The following TNFSF9 variants were observed in gnomAD, a reference collection of about 807,000 sequenced individuals.
TNFSF9 encodes TNF superfamily member 9, also known as tumor necrosis factor ligand superfamily member 9.
Under a neutral mutation model 10.3 loss-of-function variants are expected in TNFSF9, and 10 were observed. That is an observed-to-expected ratio of 0.97 (90% CI 0.60 to 1.65). The LOEUF (loss-of-function observed/expected upper bound fraction) is 1.65. Ranked by LOEUF, TNFSF9 falls within the 40% of genes most tolerant of loss-of-function variation. The probability of loss-of-function intolerance (pLI) is 0.00; values close to 1 mark genes in which losing one functional copy is unlikely to be tolerated. For missense variants in TNFSF9, 361 were observed against 348.9 expected (o/e 1.03, Z -0.28); for synonymous variants, 195 against 176.1 (o/e 1.11, Z -0.85).
In TNFSF9 at chr19:6,532,296, T is replaced by TGTGTGTGTGTGTGTGTTC. The variant is rs368974339; in HGVS notation, c.268-488_268-487insGTGTGTGTGTGTGTTCGT. 5.4e-3 allele frequency among the ~76,000 whole-genome samples: 795 copies of TGTGTGTGTGTGTGTGTTC among 146,060 alleles called. 10 individuals carry two copies. The highest frequency in any genetic ancestry group is 0.019 in the African/African-American group (723 of 37,244). Reference sequence around the variant, plus strand: ...GTGTGTGTGTGTGTGTGTGTGTGTGTGTTCGTGTTTGTGTGGGTGTTTGTG... The same window carrying TGTGTGTGTGTGTGTGTTC: ...GTGTGTGTGTGTGTGTGTGTGTGTGTGTGTGTGTGTGTGTGTTCGTTCGTGTTTGTGTGGGTGTTTGTG... On this transcript the variant is annotated intron_variant, in intron 1 of 2. Coordinates refer to ENST00000245817, the MANE Select transcript of TNFSF9 (RefSeq NM_003811.4).
intron 2 of TNFSF9, among the ~76,000 whole-genome samples, 161 bp from the exon 3 acceptor site, chr19:6,534,439 G>A (rs1191954886): frequency 2.0e-3 from 34 of 17,012 alleles, no homozygotes; most frequent in Non-Finnish European, 3.4e-3. Flanking sequence ...CAGGCTCCCC[G>A]CTCTGCTCCC....
intron 1 of TNFSF9, among the ~76,000 whole-genome samples, chr19:6,531,814 C>A (rs543563636): frequency 6.6e-6 from 1 of 152,052 alleles, no homozygotes. Context: ...GTCTTCTGCA[C>A]CCCGGGTCGG....
At chr19:6,533,325 A>G (rs1599429250) in intron 2 of TNFSF9, among the ~76,000 whole-genome samples, 1 of 34,894 alleles carries the variant, frequency 2.9e-5, no homozygotes, top group Non-Finnish European at 5.5e-5. Flanking sequence ...AACCCTCCCC[A>G]GCCCCATGCT....
In TNFSF9 at chr19:6,534,710, A is replaced by G. The variant is rs1331962461; in HGVS notation, c.409A>G (p.Lys137Glu). 3.1e-6 allele frequency: 5 copies of G among 1,596,030 alleles called. No individual in the cohort carries two copies. Among genetic ancestry groups the G allele is most frequent in the Admixed American group, 1.8e-5 (1 of 57,024 alleles). Residue 137 changes from lysine (K) to glutamate (E), a missense_variant, in exon 3 of 3, where the codon AAG (lysine) becomes GAG (glutamate). By Grantham distance (56) the Lys-to-Glu change is moderately conservative. Coordinates refer to ENST00000245817, the MANE Select transcript of TNFSF9 (RefSeq NM_003811.4). ...KEDTKELVVA[K>E]AGVYYVFFQL... is the part of the protein sequence containing the mutation. ...GGACACGAAGGAGCTGGTGGTGGCC[A>G]AGGCTGGAGTCTACTATGTCTTCTT... is the stretch of plus-strand genomic sequence containing the variant.
Position 6,534,942 on chromosome 19 carries a change from T to G in TNFSF9, c.641T>G (p.Val214Gly). 1 of 1,611,068 alleles carries G rather than the reference T, an allele frequency of 6.2e-7. No homozygotes were observed. Among genetic ancestry groups the G allele is most frequent in the African/African-American group, 1.3e-5 (1 of 75,024 alleles). Reference protein sequence around the residue: ...LHLSAGQRLGVHLHTEARARH... With the variant: ...LHLSAGQRLGGHLHTEARARH... ...CTGAGTGCCGGCCAGCGCCTGGGCG[T>G]CCATCTTCACACTGAGGCCAGGGCA... Residue 214 changes from valine (V) to glycine (G), a missense_variant, in exon 3 of 3, where the codon GTC (valine) becomes GGC (glycine). Transcript: ENST00000245817.
intron 1 of TNFSF9, among the ~76,000 whole-genome samples, 187 bp downstream of exon 1, chr19:6,531,490 C>T (rs1328100205): frequency 6.6e-6 from 1 of 152,134 alleles, no homozygotes; most frequent in Non-Finnish European, 1.5e-5. Context: ...TTTCATCCCG[C>T]ACCCCTACGA....
intron 1 of TNFSF9, among the ~76,000 whole-genome samples, chr19:6,532,287 G>C: frequency 6.9e-6 from 1 of 144,934 alleles, no homozygotes; most frequent in East Asian, 2.0e-4. Context: ...GTGTGTGTGT[G>C]TGTGTGTGTG....
chr19:6,534,777 G>GCTC lies in TNFSF9; in HGVS notation c.478_480dup (p.Ser160dup). Reference sequence around the variant, plus strand: ...CGCGTGGTGGCCGGCGAGGGCTCAGGCTCCGTTTCACTTGCGCTGCACCTG... The same window carrying GCTC: ...CGCGTGGTGGCCGGCGAGGGCTCAGGCTCCTCCGTTTCACTTGCGCTGCACCTG... On this transcript the variant is annotated inframe_insertion, in exon 3 of 3. Transcript: ENST00000245817. 1 of 1,599,656 alleles carries GCTC rather than the reference G, an allele frequency of 6.3e-7. No individual in the cohort carries two copies. The highest frequency in any genetic ancestry group is 2.3e-5 in the East Asian group (1 of 44,234).
Position 6,534,709 on chromosome 19 carries a change from C to A in TNFSF9, c.408C>A (p.Ala136=). 1 of 1,595,926 alleles carries A rather than the reference C, an allele frequency of 6.3e-7. No individual in the cohort carries two copies. The highest frequency in any genetic ancestry group is 2.3e-5 in the East Asian group (1 of 44,018). The part of the protein sequence containing the change: ...YKEDTKELVV[A]KAGVYYVFFQ... ...AGGACACGAAGGAGCTGGTGGTGGC[C>A]AAGGCTGGAGTCTACTATGTCTTCT... Residue 136 remains alanine (A), a synonymous_variant, in exon 3 of 3, where the codon GCC becomes GCA. Coordinates refer to ENST00000245817, the MANE Select transcript of TNFSF9 (RefSeq NM_003811.4).
chr19:6,532,952 G>A, intron 2 of TNFSF9, 136 bp downstream of exon 2: 3 of 1,270,390 alleles, frequency 2.4e-6, no homozygotes, highest in South Asian at 1.2e-5. Flanking sequence ...TCTGAAAGCT[G>A]CTACTTCCCC....
intron 1 of TNFSF9, among the ~76,000 whole-genome samples, chr19:6,532,205 A>T (rs572118636): frequency 1.3e-5 from 2 of 152,034 alleles, no homozygotes; most frequent in East Asian, 3.9e-4. Context: ...AAGAAGAGGG[A>T]TCGCTTTTCC....
intron 2 of TNFSF9, among the ~76,000 whole-genome samples, chr19:6,534,264 A>G (rs1304246841): frequency 1.4e-5 from 2 of 142,706 alleles, no homozygotes; most frequent in Non-Finnish European, 3.1e-5. Flanking sequence ...TTCCCCACCC[A>G]ACCTCTTGGA....
chr19:6,534,533 T>C lies in TNFSF9; in HGVS notation c.299-67T>C, dbSNP rs1599430142. The C allele has an allele frequency of 4.3e-6, 6 of 1,405,388 alleles. No homozygotes were observed. The East Asian group carries it at 1.4e-4, about 32-fold the overall frequency. 87.1% of individuals were successfully genotyped at this position (1,405,388 alleles called of 1,614,324 possible). A position where few individuals can be genotyped will look rare whatever the true frequency, so the allele number is the denominator to read the frequency against. On this transcript the variant is annotated intron_variant, in intron 2 of 2. Coordinates refer to ENST00000245817, the MANE Select transcript of TNFSF9 (RefSeq NM_003811.4). ...CCCAGGGCTGCGCTGACATGTTCGG[T>C]GCTCAGCCACGCTCAGCTGTGCTGG...
intron 1 of TNFSF9, among the ~76,000 whole-genome samples, chr19:6,531,803 C>G (rs1915152063): frequency 6.6e-6 from 1 of 152,054 alleles, no homozygotes; most frequent in Non-Finnish European, 1.5e-5. Context: ...CTCAGGGATA[C>G]GTCTTCTGCA....
Position 6,534,873 on chromosome 19 carries a change from A to G in TNFSF9, c.572A>G (p.Glu191Gly). 6.2e-7 allele frequency: 1 copy of G among 1,607,566 alleles called. No individual in the cohort carries two copies. The highest frequency in any genetic ancestry group is 8.5e-7 in the Non-Finnish European group (1 of 1,179,008). Residue 191 changes from glutamate to glycine, a missense_variant, in exon 3 of 3, where the codon GAG becomes GGG. Glu to Gly is a moderately conservative substitution (Grantham distance 98). Transcript: ENST00000245817. ...GTGGACCTGCCACCCGCCTCCTCCG[A>G]GGCTCGGAACTCGGCCTTCGGTTTC... ...LTVDLPPASS[E>G]ARNSAFGFQG...
Position 6,534,988 on chromosome 19 carries a change from C to T in TNFSF9, c.687C>T (p.Thr229=), listed in dbSNP as rs1915237662. ...EARARHAWQL[T]QGATVLGLFR... ...GGGCACGCCATGCCTGGCAGCTTAC[C>T]CAGGGCGCCACAGTCTTGGGACTCT... is the stretch of plus-strand genomic sequence containing the variant. The change falls in exon 3 of 3, where the codon ACC becomes ACT. Residue 229 remains threonine, a synonymous_variant. Transcript: ENST00000245817. 1.2e-6 allele frequency: 2 copies of T among 1,610,200 alleles called. No individual in the cohort carries two copies. Among genetic ancestry groups the T allele is most frequent in the Non-Finnish European group, 1.7e-6 (2 of 1,178,414 alleles).
intron 1 of TNFSF9, among the ~76,000 whole-genome samples, 181 bp from the exon 2 acceptor site, chr19:6,532,603 TCG>T (rs1915173725): frequency 2.0e-5 from 3 of 150,440 alleles, no homozygotes; most frequent in African/African-American, 7.4e-5. Context: ...GTGTTTGTGT[TCG>T]TGTGTTTGTG....
At chr19:6,532,149 C>G (rs1202163460) in intron 1 of TNFSF9, among the ~76,000 whole-genome samples, 2 of 152,242 alleles carry the variant, frequency 1.3e-5, no homozygotes, top group African/African-American at 4.8e-5. Context: ...TGAGGTACCC[C>G]TCTCCCTTTC....
rs564151103 is a variant in TNFSF9, at chr19:6,531,137, G to GGCTGCT, written c.117_122dup (p.Leu40_Leu41dup). On this transcript the variant is annotated inframe_insertion, in exon 1 of 3. Transcript: ENST00000245817. ...GTACTGCCTTGGGCCCTGGTCGCGG[G>GGCTGCT]GCTGCTGCTGCTGCTGCTGCTCGCT... 3.5e-5 allele frequency: 56 copies of GGCTGCT among 1,605,166 alleles called. No individual in the cohort carries two copies. Among genetic ancestry groups the GGCTGCT allele is most frequent in the Admixed American group, 1.0e-4 (6 of 59,596 alleles).
Sources: gnomAD v4.1 joint callset for allele counts (sites outside exome capture counted in the v4.1 genomes callset) on GRCh38, gnomAD v4.1.1 for gene constraint, MANE v1.5 for transcripts, NCBI Gene and HGNC (gene_info 2026-07-23, HGNC 2026-07-21) for gene names.